DPYD: variants seen among roughly 807,000 people sequenced by gnomAD.
DPYD encodes the protein dihydropyrimidine dehydrogenase, also known as dihydropyrimidine dehydrogenase [NADP(+)].
A neutral mutation model predicts 116.2 loss-of-function variants in DPYD; 109 were observed. The observed-to-expected ratio is 0.94, with a 90% confidence interval of 0.80 to 1.10. The LOEUF is 1.10. DPYD is among the 50% of genes least tolerant of loss of function. The probability of loss-of-function intolerance (pLI) is 0.00; values close to 1 mark genes in which losing one functional copy is unlikely to be tolerated. For synonymous variants in DPYD, 440 were observed against 432.0 expected (o/e 1.02, Z -0.23); for missense variants, 1,302 against 1,254.5 (o/e 1.04, Z -0.57).
intron 13 of DPYD, among the ~76,000 whole-genome samples, chr1:97,455,780 A>C (rs1570761137): frequency 6.6e-6 from 1 of 152,074 alleles, no homozygotes; most frequent in East Asian, 1.9e-4. Flanking sequence ...TATAATGGTC[A>C]GAATACTCTC....
Position 97,336,769 on chromosome 1 carries a change from A to G in DPYD, c.2059-30472T>C, listed in dbSNP as rs1283552562. On this transcript the variant is annotated intron_variant, in intron 16 of 22. Transcript: ENST00000370192. ...CCATCTCAAAACAAACAAACAAATC[A>G]TATCAAGGAAAGAGATGTGAATCAG... Among the ~76,000 whole-genome samples, 4 of 152,244 alleles carry G rather than the reference A, an allele frequency of 2.6e-5. No homozygotes were observed. In the East Asian group the frequency reaches 7.7e-4, roughly 29 times the overall value.
At chr1:97,765,792 A>G (rs1373472297) in intron 3 of DPYD, among the ~76,000 whole-genome samples, 1 of 152,236 alleles carries the variant, frequency 6.6e-6, no homozygotes, top group African/African-American at 2.4e-5. Flanking sequence ...ACACAAACCT[A>G]AAATATGTGG....
intron 16 of DPYD, among the ~76,000 whole-genome samples, chr1:97,323,453 TATC>T (rs534871358): frequency 3.0e-5 from 3 of 99,054 alleles, no homozygotes; most frequent in South Asian, 4.0e-4. Context: ...CGTATATACA[TATC>T]ATATATACAT....
intron 12 of DPYD, among the ~76,000 whole-genome samples, chr1:97,534,683 T>A (rs1209531423): frequency 1.3e-5 from 2 of 152,128 alleles, no homozygotes; most frequent in Non-Finnish European, 2.9e-5. Context: ...TCTTACTATG[T>A]GAATTTACTC....
rs951661316 is a variant in DPYD, at chr1:97,754,579, C to T, written c.234-14100G>A. Among the ~76,000 whole-genome samples, 11 of 152,102 alleles carry T rather than the reference C, an allele frequency of 7.2e-5. 1 individual carries two copies. The highest frequency in any genetic ancestry group is 6.2e-4 in the South Asian group (3 of 4,830). ...CTGCGGAATCTTAACATGTTATTTG[C>T]GTTGTTCCTTCATTCTTTGTTTTCT... On this transcript the variant is annotated intron_variant, in intron 3 of 22. Transcript: ENST00000370192.
intron 3 of DPYD, among the ~76,000 whole-genome samples, chr1:97,765,971 C>T (rs763900140): frequency 2.6e-5 from 4 of 152,214 alleles, no homozygotes; most frequent in Admixed American, 6.6e-5. Context: ...TGGCCAGGTG[C>T]GGTGGCTCAC....
chr1:97,758,856 T>G lies in DPYD; in HGVS notation c.234-18377A>C, dbSNP rs191860195. Among the ~76,000 whole-genome samples, 601 of 152,236 alleles carry G rather than the reference T, an allele frequency of 3.9e-3. 5 individuals are homozygous for G. Among genetic ancestry groups the G allele is most frequent in the Non-Finnish European group, 6.0e-3 (407 of 68,006 alleles). ...AGTATAAGACAGAATAACCAAAAGA[T>G]CTGGTCTGGAGCCAGAAAATAAGAG... On this transcript the variant is annotated intron_variant, in intron 3 of 22. Coordinates refer to ENST00000370192, the MANE Select transcript of DPYD (RefSeq NM_000110.4).
chr1:97,434,506 C>A (rs1412114299), intron 14 of DPYD, among the ~76,000 whole-genome samples: 1 of 151,956 alleles, frequency 6.6e-6, no homozygotes, highest in African/African-American at 2.4e-5. Context: ...TGCATAAATT[C>A]TTTCTATCCT....
intron 2 of DPYD, among the ~76,000 whole-genome samples, chr1:97,862,984 A>G (rs994245793): frequency 1.6e-4 from 25 of 151,956 alleles, no homozygotes; most frequent in Non-Finnish European, 3.2e-4. Flanking sequence ...CAAAAAATAA[A>G]ATGAGAAAAT....
intron 2 of DPYD, among the ~76,000 whole-genome samples, chr1:97,869,365 G>C (rs1671548790): frequency 6.6e-6 from 1 of 151,688 alleles, no homozygotes; most frequent in African/African-American, 2.4e-5. Flanking sequence ...CTATCTTCTA[G>C]GAAAGAATCC....
chr1:97,677,389 T>C (rs1242901490), intron 8 of DPYD, among the ~76,000 whole-genome samples: 1 of 152,146 alleles, frequency 6.6e-6, no homozygotes, highest in Admixed American at 6.5e-5. Flanking sequence ...ACATTATTAG[T>C]ATTGCAGACC....
chr1:97,852,163 G>A (rs1670603876), intron 2 of DPYD, among the ~76,000 whole-genome samples: 1 of 151,946 alleles, frequency 6.6e-6, no homozygotes, highest in Admixed American at 6.6e-5. Context: ...CTATTACCTA[G>A]ATTTAAAAAA....
chr1:97,562,974 C>T (rs1035294185), intron 11 of DPYD, among the ~76,000 whole-genome samples: 3 of 152,122 alleles, frequency 2.0e-5, no homozygotes, highest in South Asian at 4.1e-4. Flanking sequence ...CTGCCTCAGC[C>T]GCCCAAAGTG....
intron 8 of DPYD, among the ~76,000 whole-genome samples, chr1:97,656,281 T>C (rs1288947593): frequency 6.6e-5 from 10 of 152,228 alleles, no homozygotes; most frequent in African/African-American, 2.4e-4. Flanking sequence ...ACGGAAGATC[T>C]TTCTGTCTTG....
intron 16 of DPYD, among the ~76,000 whole-genome samples, chr1:97,310,478 T>G (rs1199892070): frequency 6.6e-6 from 1 of 151,802 alleles, no homozygotes; most frequent in Non-Finnish European, 1.5e-5. Flanking sequence ...TGCAACATAA[T>G]GAGCAAACGT....
At chr1:97,805,528 C>T (rs1668039172) in intron 3 of DPYD, among the ~76,000 whole-genome samples, 1 of 151,506 alleles carries the variant, frequency 6.6e-6, no homozygotes, top group South Asian at 2.1e-4. Flanking sequence ...CTTTGATTAC[C>T]AAAACAATGT....
chr1:97,657,500 T>C (rs959066318), intron 8 of DPYD, among the ~76,000 whole-genome samples: 9 of 152,204 alleles, frequency 5.9e-5, no homozygotes, highest in African/African-American at 2.2e-4. Flanking sequence ...GCAAATGTAA[T>C]ATAAAGCAAA....
chr1:97,100,331 A>G (rs1169502364), intron 20 of DPYD, among the ~76,000 whole-genome samples: 1 of 152,090 alleles, frequency 6.6e-6, no homozygotes, highest in Non-Finnish European at 1.5e-5. Flanking sequence ...CTTTGGGGTC[A>G]GATAACACCA....
In DPYD at chr1:97,777,724, A is replaced by G. The variant is rs1046135849; in HGVS notation, c.234-37245T>C. ...TTTAAAAATGCTTTAATGTTGATATATGGTTGATGATGAACAAGACATGCT... is the reference window on the plus strand; with the variant it reads ...TTTAAAAATGCTTTAATGTTGATATGTGGTTGATGATGAACAAGACATGCT... On this transcript the variant is annotated intron_variant, in intron 3 of 22. Coordinates refer to ENST00000370192, the MANE Select transcript of DPYD (RefSeq NM_000110.4). Among the ~76,000 whole-genome samples, 3 of 152,174 alleles carry G rather than the reference A, an allele frequency of 2.0e-5. No individual in the cohort carries two copies. The East Asian group carries it at 5.8e-4, about 29-fold the overall frequency.
Sources: allele counts gnomAD v4.1 joint callset (sites outside exome capture counted in the v4.1 genomes callset), GRCh38; gene constraint gnomAD v4.1.1; transcripts MANE v1.5; gene names NCBI Gene and HGNC (gene_info 2026-07-23, HGNC 2026-07-21).